Variants in USP34 observed in about 807,000 individuals in gnomAD.
USP34 encodes the protein ubiquitin carboxyl-terminal hydrolase 34.
A neutral mutation model predicts 460.3 loss-of-function variants in USP34; 70 were observed. The observed-to-expected ratio is 0.15, with a 90% confidence interval of 0.13 to 0.19. The LOEUF (loss-of-function observed/expected upper bound fraction) is 0.19, where lower values mean the gene tolerates loss of function less well. USP34 is among the 10% of genes least tolerant of loss of function. The probability of loss-of-function intolerance (pLI) is 1.00; values close to 1 mark genes in which losing one functional copy is unlikely to be tolerated. For missense variants in USP34, 3,985 were observed against 4,236.2 expected, an observed-to-expected ratio of 0.94 and a Z score of 1.65; for synonymous variants, 1,647 against 1,405.3, an observed-to-expected ratio of 1.17 and a Z score of -3.85.
intron 8 of USP34, among the ~76,000 whole-genome samples, chr2:61,371,678 G>C (rs182745715): frequency 6.6e-6 from 1 of 152,214 alleles, no homozygotes; most frequent in East Asian, 1.9e-4. Flanking sequence ...TGCTTACAAA[G>C]TCTACAGTAG....
chr2:61,199,399 G>C (rs1686903630), intron 75 of USP34, among the ~76,000 whole-genome samples: 1 of 152,124 alleles, frequency 6.6e-6, no homozygotes, highest in Non-Finnish European at 1.5e-5. Context: ...GGGATTTCAA[G>C]TGCCCGCCAC....
chr2:61,390,873 C>A (rs1302157848), intron 5 of USP34, among the ~76,000 whole-genome samples: 1 of 150,930 alleles, frequency 6.6e-6, no homozygotes, highest in African/African-American at 2.4e-5. Context: ...GAGGTGGGGG[C>A]ATCGCAAGGT....
chr2:61,232,870 C>CTTTTTTTTTTTTTTTTTT (rs1198998742), intron 57 of USP34, among the ~76,000 whole-genome samples: 1 of 86,758 alleles, frequency 1.2e-5, no homozygotes, highest in African/African-American at 4.4e-5. Context: ...TCCCCCCCCC[C>CTTTTTTTTTTTTTTTTTT]TTTTTTTTTT....
intron 25 of USP34, 91 bp from the exon 26 acceptor site, chr2:61,312,001 A>C: frequency 6.8e-7 from 1 of 1,473,672 alleles, no homozygotes; most frequent in East Asian, 2.4e-5. Flanking sequence ...AGACTGGAAA[A>C]GTCCAAAAGA....
chr2:61,204,149 T>G, intron 74 of USP34, 107 bp downstream of exon 74: 1 of 1,412,482 alleles, frequency 7.1e-7, no homozygotes, highest in South Asian at 1.3e-5. Context: ...CTTCTTAGGA[T>G]CCACAAAATT....
chr2:61,311,407 A>C, intron 27 of USP34, 133 bp downstream of exon 27: 1 of 960,780 alleles, frequency 1.0e-6, no homozygotes. Context: ...AAACCAAGAC[A>C]GTTGCTATAT....
intron 1 of USP34, among the ~76,000 whole-genome samples, chr2:61,454,330 G>C (rs556021777): frequency 6.6e-6 from 1 of 152,158 alleles, no homozygotes; most frequent in East Asian, 1.9e-4. Flanking sequence ...TACCATGTTG[G>C]CCAGGCTGGT....
intron 27 of USP34, among the ~76,000 whole-genome samples, chr2:61,308,289 T>C (rs553122211): frequency 3.3e-5 from 5 of 152,260 alleles, no homozygotes; most frequent in African/African-American, 1.2e-4. Context: ...AAGAAAAATG[T>C]TAATCTCAAA....
chr2:61,290,065 G>A (rs1395457889), intron 33 of USP34, among the ~76,000 whole-genome samples: 1 of 152,064 alleles, frequency 6.6e-6, no homozygotes, highest in Non-Finnish European at 1.5e-5. Context: ...TTTCACAAAA[G>A]AAGATAAACA....
At chr2:61,287,910 T>C (rs927705111) in intron 34 of USP34, among the ~76,000 whole-genome samples, 1 of 152,188 alleles carries the variant, frequency 6.6e-6, no homozygotes, top group Non-Finnish European at 1.5e-5. Context: ...ATCCACCCTT[T>C]TATACACTTG....
At chr2:61,296,636 A>G (rs1572909396) in intron 30 of USP34, among the ~76,000 whole-genome samples, 164 bp downstream of exon 30, 1 of 152,342 alleles carries the variant, frequency 6.6e-6, no homozygotes, top group East Asian at 1.9e-4. Flanking sequence ...CTCACTAAAT[A>G]AACAAATGAA....
chr2:61,395,963 A>G (rs1331644948), intron 3 of USP34, among the ~76,000 whole-genome samples: 1 of 151,796 alleles, frequency 6.6e-6, no homozygotes, highest in Admixed American at 6.6e-5. Flanking sequence ...AGGCTGAGGC[A>G]TGAGAATGGC....
chr2:61,313,507 A>C (rs2694633), intron 25 of USP34, among the ~76,000 whole-genome samples: 109,929 of 152,032 alleles, frequency 0.72, 40,091 homozygotes, highest in African/African-American at 0.82. Context: ...AGGAAGACAG[A>C]AATTATAGCA....
At chr2:61,438,943 C>A (rs940366401) in intron 1 of USP34, among the ~76,000 whole-genome samples, 1 of 152,114 alleles carries the variant, frequency 6.6e-6, no homozygotes, top group East Asian at 1.9e-4. Context: ...AAAACACACA[C>A]CTCAGAGCTA....
chr2:61,252,933 A>T (rs998236468), intron 48 of USP34, among the ~76,000 whole-genome samples: 4 of 152,260 alleles, frequency 2.6e-5, no homozygotes, highest in Non-Finnish European at 4.4e-5. Context: ...TACCTTCTGG[A>T]AAAACCCAAT....
At chr2:61,222,583 T>C (rs1404191296) in intron 65 of USP34, 36 bp downstream of exon 65, 7 of 1,575,906 alleles carry the variant, frequency 4.4e-6, no homozygotes, top group Non-Finnish European at 4.4e-6. Context: ...TGCTGAAAAT[T>C]GTTTTAAAAA....
In USP34 at chr2:61,331,287, T is replaced by C. The variant is rs921534819; in HGVS notation, c.2919A>G (p.Gln973=). Residue 973 remains glutamine, a synonymous_variant, in exon 20 of 80, where the codon CAA becomes CAG. Transcript: ENST00000398571. The part of the protein sequence containing the change: ...YYIQTVREGR[Q]KHALYSHSAE... Reference sequence around the variant, plus strand: ...TGAGAGGTACTTACAGTGCATGTTTTTGTCTTCCTTCTCTCACAGTTTGAA... The same window carrying C: ...TGAGAGGTACTTACAGTGCATGTTTCTGTCTTCCTTCTCTCACAGTTTGAA... The C allele has an allele frequency of 1.2e-6, 2 of 1,611,978 alleles. No homozygotes were observed. Among genetic ancestry groups the C allele is most frequent in the Non-Finnish European group, 1.7e-6 (2 of 1,178,884 alleles).
chr2:61,322,054 C>A (rs941751588), intron 21 of USP34, among the ~76,000 whole-genome samples: 2 of 152,068 alleles, frequency 1.3e-5, no homozygotes, highest in South Asian at 2.1e-4. Context: ...CATGAAGAAA[C>A]CCCATCTCTA....
intron 1 of USP34, among the ~76,000 whole-genome samples, chr2:61,451,220 CAAAAAA>C (rs70963432): frequency 3.3e-4 from 17 of 50,804 alleles, no homozygotes; most frequent in African/African-American, 6.0e-4. Context: ...GGCTTCATCT[CAAAAAA>C]AAAAAAAAAA....
Sources: allele counts gnomAD v4.1 joint callset (sites outside exome capture counted in the v4.1 genomes callset), GRCh38; gene constraint gnomAD v4.1.1; transcripts MANE v1.5; gene names NCBI Gene and HGNC (gene_info 2026-07-23, HGNC 2026-07-21).